The following NTRK2 variants were observed in gnomAD, a reference collection of about 807,000 sequenced individuals.
NTRK2 encodes the protein neurotrophic receptor tyrosine kinase 2, also known as BDNF/NT-3 growth factors receptor.
NTRK2 carries 13 observed loss-of-function variants against 94.5 expected under a neutral mutation model. The observed-to-expected ratio is 0.14, with a 90% CI of 0.09 to 0.22. The LOEUF (loss-of-function observed/expected upper bound fraction) is 0.22, where lower values mean the gene tolerates loss of function less well. Ranked by LOEUF, NTRK2 falls within the 10% of genes least tolerant of loss-of-function variation. The pLI is 1.00. For missense variants in NTRK2, 639 were observed against 1,071.2 expected (o/e 0.60, Z 5.63); for synonymous variants, 372 against 407.4 (o/e 0.91, Z 1.05).
chr9:84,815,025 C>T (rs2072240769), intron 12 of NTRK2: 1 of 1,059,038 alleles, frequency 9.4e-7, no homozygotes, highest in Non-Finnish European at 1.1e-6. Context: ...AATTTGCTGC[C>T]AGGTGCTGCC....
chr9:84,776,952 G>C (rs1266666658), intron 12 of NTRK2, among the ~76,000 whole-genome samples: 1 of 152,194 alleles, frequency 6.6e-6, no homozygotes, highest in Non-Finnish European at 1.5e-5. Context: ...GAGATATACA[G>C]AAGTGCTAGA....
chr9:84,860,532 T>C (rs2075285070), intron 12 of NTRK2, among the ~76,000 whole-genome samples: 1 of 152,168 alleles, frequency 6.6e-6, no homozygotes, highest in Admixed American at 6.6e-5. Context: ...TTTTTTACCG[T>C]CTGTCTCAGC....
chr9:84,989,003 G>A (rs1429369457), intron 17 of NTRK2, among the ~76,000 whole-genome samples: 1 of 152,170 alleles, frequency 6.6e-6, no homozygotes, highest in Non-Finnish European at 1.5e-5. Context: ...TGCTATCCTT[G>A]GAGCTGGAAG....
At chr9:84,725,899 T>C (rs564245883) in intron 8 of NTRK2, among the ~76,000 whole-genome samples, 1 of 152,304 alleles carries the variant, frequency 6.6e-6, no homozygotes, top group South Asian at 2.1e-4. Context: ...AGAGTTCAGC[T>C]GCACAGGTGC....
chr9:84,845,794 G>A (rs552647912), intron 12 of NTRK2, among the ~76,000 whole-genome samples: 13 of 152,020 alleles, frequency 8.6e-5, no homozygotes, highest in African/African-American at 2.9e-4. Context: ...AGTGGGTGAG[G>A]GATAAAAGAC....
intron 2 of NTRK2, among the ~76,000 whole-genome samples, chr9:84,677,772 G>A (rs116373188): frequency 0.02 from 2,979 of 152,254 alleles, 113 homozygotes; most frequent in African/African-American, 0.068. Context: ...TAAACTTCAT[G>A]CAGTGGGAAG....
At chr9:84,981,354 G>A (rs1044044150) in intron 17 of NTRK2, among the ~76,000 whole-genome samples, 2 of 151,800 alleles carry the variant, frequency 1.3e-5, no homozygotes, top group Admixed American at 6.6e-5. Flanking sequence ...CACCCACCTC[G>A]GCTTCCCAAA....
In NTRK2 at chr9:84,670,462, C is replaced by T. The variant is rs2058630143; in HGVS notation, c.-287C>T. On this transcript the variant is annotated 5_prime_UTR_variant, in exon 2 of 19. Transcript: ENST00000277120. ...CCCGGGAGCGCCGCCGGTCGGTGCC[C>T]GGCGCGCCGGGCCATGCAGCGACGG... The T allele has an allele frequency of 1.0e-5, 5 of 493,058 alleles. No homozygotes were observed. Among genetic ancestry groups the T allele is most frequent in the East Asian group, 3.6e-5 (1 of 27,766 alleles). 30.5% of individuals were successfully genotyped at this position (493,058 alleles called of 1,614,324 possible). A position where few individuals can be genotyped will look rare whatever the true frequency, so the allele number is the denominator to read the frequency against.
intron 17 of NTRK2, 144 bp downstream of exon 17, chr9:84,955,661 C>T (rs1286963985): frequency 3.9e-6 from 3 of 771,928 alleles, no homozygotes; most frequent in Admixed American, 2.0e-5. Context: ...GCTCTGGAGG[C>T]TGGAAGTCCA....
intron 17 of NTRK2, among the ~76,000 whole-genome samples, chr9:84,972,700 C>G (rs1826325663): frequency 6.6e-6 from 1 of 152,140 alleles, no homozygotes; most frequent in Admixed American, 6.5e-5. Flanking sequence ...CCTAGTAATA[C>G]ATGCATTTTT....
intron 12 of NTRK2, among the ~76,000 whole-genome samples, chr9:84,804,241 G>A (rs772549278): frequency 6.6e-6 from 1 of 151,970 alleles, no homozygotes; most frequent in Admixed American, 6.6e-5. Flanking sequence ...CTCTGAACAT[G>A]CTTGAGGGGT....
chr9:84,999,338 A>G (rs1263879039), intron 17 of NTRK2, among the ~76,000 whole-genome samples: 1 of 152,068 alleles, frequency 6.6e-6, no homozygotes, highest in Non-Finnish European at 1.5e-5. Context: ...CTCTTTTTGT[A>G]TTGTCTGTTA....
In NTRK2 at chr9:84,741,945, T is replaced by C; in HGVS notation, c.1195+18T>C. On this transcript the variant is annotated intron_variant, in intron 10 of 18. Transcript: ENST00000277120. Reference sequence around the variant, plus strand: ...TTATGAAGGTAGCTATCGTGTTTTCTACTTTGTATTTCTTTTTCAAAATGT... The same window carrying C: ...TTATGAAGGTAGCTATCGTGTTTTCCACTTTGTATTTCTTTTTCAAAATGT... 1 of 1,602,936 alleles carries C rather than the reference T, an allele frequency of 6.2e-7. No individual in the cohort carries two copies. Among genetic ancestry groups the C allele is most frequent in the Non-Finnish European group, 8.5e-7 (1 of 1,171,632 alleles).
In NTRK2 at chr9:84,973,735, C is replaced by T. The variant is rs538994581; in HGVS notation, c.2172+18218C>T. Among the ~76,000 whole-genome samples, 5 of 152,264 alleles carry T rather than the reference C, an allele frequency of 3.3e-5. No homozygotes were observed. In the South Asian group the frequency reaches 6.2e-4, roughly 19 times the overall value. Reference sequence around the variant, plus strand: ...GGCCTCAGTTGTGAAATGAGGACAGCGTTCATCAGATCAGATGATTTCTAA... The same window carrying T: ...GGCCTCAGTTGTGAAATGAGGACAGTGTTCATCAGATCAGATGATTTCTAA... On this transcript the variant is annotated intron_variant, in intron 17 of 18. Coordinates refer to ENST00000277120, the MANE Select transcript of NTRK2 (RefSeq NM_006180.6).
rs1194770627 is a variant in NTRK2, at chr9:84,844,694, C to T, written c.1397-16346C>T. ...ACACACACACACACACACACACACA[C>T]GGCTATCACTATTTGTTTCTATTTA... On this transcript the variant is annotated intron_variant, in intron 12 of 18. Coordinates refer to ENST00000277120, the MANE Select transcript of NTRK2 (RefSeq NM_006180.6). Among the ~76,000 whole-genome samples, 10 of 138,700 alleles carry T rather than the reference C, an allele frequency of 7.2e-5. No individual in the cohort carries two copies. In the East Asian group the frequency reaches 1.5e-3, roughly 21 times the overall value. 91.0% of individuals were successfully genotyped at this position (138,700 alleles called of 152,430 possible).
intron 17 of NTRK2, among the ~76,000 whole-genome samples, chr9:84,974,375 T>C (rs1826549239): frequency 1.3e-5 from 2 of 152,234 alleles, no homozygotes; most frequent in Admixed American, 1.3e-4. Context: ...GATGCATGCC[T>C]TGTGCTACTT....
chr9:84,670,894 C>T lies in NTRK2; in HGVS notation c.146C>T (p.Ser49Phe), dbSNP rs1371476425. 1 of 1,612,558 alleles carries T rather than the reference C, an allele frequency of 6.2e-7. No individual in the cohort carries two copies. The highest frequency in any genetic ancestry group is 1.7e-5 in the Admixed American group (1 of 60,032). Residue 49 changes from serine (S) to phenylalanine (F), a missense_variant, in exon 2 of 19, where the codon TCT (serine) becomes TTT (phenylalanine). By Grantham distance (155) the Ser-to-Phe change is radical (BLOSUM62 -2). Coordinates refer to ENST00000277120, the MANE Select transcript of NTRK2 (RefSeq NM_006180.6). The stretch of plus-strand genomic sequence containing the variant: ...TCTCGGATCTGGTGCAGCGACCCTT[C>T]TCCTGGCATCGTGGCATTTCCGAGA... ...SASRIWCSDP[S>F]PGIVAFPRLE...
rs1323892932 is a variant in NTRK2, at chr9:84,782,757, T to C, written c.1396+30672T>C. 3.9e-5 allele frequency among the ~76,000 whole-genome samples: 6 copies of C among 152,300 alleles called. No homozygotes were observed. In the South Asian group the frequency reaches 1.0e-3, roughly 26 times the overall value. ...CCTCAGCATTTGTGAGAGATTGCAC[T>C]CTGGAGTATAACGGTTCAGGCTGAA... On this transcript the variant is annotated intron_variant, in intron 12 of 18. Coordinates refer to ENST00000277120, the MANE Select transcript of NTRK2 (RefSeq NM_006180.6).
At chr9:84,804,109 G>A (rs1230229149) in intron 12 of NTRK2, among the ~76,000 whole-genome samples, 1 of 151,814 alleles carries the variant, frequency 6.6e-6, no homozygotes, top group African/African-American at 2.4e-5. Context: ...GTTGCTTCAT[G>A]ACAAATTTTA....
Sources: allele counts gnomAD v4.1 joint callset (sites outside exome capture counted in the v4.1 genomes callset), GRCh38; gene constraint gnomAD v4.1.1; transcripts MANE v1.5; gene names NCBI Gene and HGNC (gene_info 2026-07-23, HGNC 2026-07-21).